STK11: variants seen among roughly 807,000 people sequenced by gnomAD.
The protein encoded by STK11 is serine/threonine-protein kinase STK11.
In STK11, 8 loss-of-function variants were observed where a neutral mutation model predicts 47.3. The observed-to-expected ratio is 0.17, with a 90% CI of 0.10 to 0.31. STK11 has a LOEUF of 0.31. Among genes scored for constraint, STK11 ranks in the 10% least tolerant of loss-of-function variants. The probability of loss-of-function intolerance (pLI) is 1.00; values close to 1 mark genes in which losing one functional copy is unlikely to be tolerated. For synonymous variants in STK11, 330 were observed against 255.8 expected, an observed-to-expected ratio of 1.29 and a Z score of -2.77; for missense variants, 475 against 605.0, an observed-to-expected ratio of 0.79 and a Z score of 2.25.
At chr19:1,215,335 G>A (rs1198902193) in intron 1 of STK11, among the ~76,000 whole-genome samples, 3 of 152,234 alleles carry the variant, frequency 2.0e-5, no homozygotes, top group Non-Finnish European at 2.9e-5. Flanking sequence ...GCTTCTCAGC[G>A]AGCAGACCAG....
intron 7 of STK11, 113 bp downstream of exon 7, chr19:1,222,119 G>T: frequency 1.5e-6 from 2 of 1,292,812 alleles, no homozygotes; most frequent in South Asian, 1.3e-5. Flanking sequence ...GCTGGGCTGG[G>T]GCCAGACCCC....
intron 1 of STK11, among the ~76,000 whole-genome samples, chr19:1,212,957 G>C (rs2080721322): frequency 6.6e-6 from 1 of 150,504 alleles, no homozygotes; most frequent in Admixed American, 6.6e-5. Flanking sequence ...TGGGATTACA[G>C]GTGTAAGCCA....
intron 1 of STK11, among the ~76,000 whole-genome samples, chr19:1,208,281 C>G (rs1352264631): frequency 6.6e-6 from 1 of 151,192 alleles, no homozygotes; most frequent in African/African-American, 2.4e-5. Context: ...CTCTCTCCTG[C>G]TCAGGGGCCC....
chr19:1,208,139 AGG>A (rs2080681441), intron 1 of STK11, among the ~76,000 whole-genome samples: 3 of 151,974 alleles, frequency 2.0e-5, no homozygotes, highest in African/African-American at 7.2e-5. Context: ...CTAGGCCTCG[AGG>A]GACTGGCAAG....
In STK11 at chr19:1,207,252, C is replaced by G. The variant is rs1460309034; in HGVS notation, c.290+49C>G. The G allele has an allele frequency of 1.9e-6, 3 of 1,544,990 alleles. No individual in the cohort carries two copies. The South Asian group carries it at 3.6e-5, about 19-fold the overall frequency. On this transcript the variant is annotated intron_variant, in intron 1 of 9. Coordinates refer to ENST00000326873, the MANE Select transcript of STK11 (RefSeq NM_000455.5). ...GGGCCGGGCCGGGCCAGTCACGGTG[C>G]TGATGGTTCTGTCTTCCTTCCTTCT...
intron 8 of STK11, chr19:1,223,763 G>A: frequency 9.6e-7 from 1 of 1,039,894 alleles, no homozygotes; most frequent in Non-Finnish European, 1.2e-6. Flanking sequence ...GAGGAGCTCA[G>A]GGCCTTAGCG....
chr19:1,222,830 A>C (rs1285009291), intron 7 of STK11, among the ~76,000 whole-genome samples, 155 bp from the exon 8 acceptor site: 2 of 152,172 alleles, frequency 1.3e-5, no homozygotes, highest in East Asian at 3.8e-4. Flanking sequence ...CCTAGAGGAC[A>C]TGGCTGAGCT....
chr19:1,223,629 C>T (rs1254616805), intron 8 of STK11: 1 of 1,070,166 alleles, frequency 9.3e-7, no homozygotes, highest in Admixed American at 4.8e-5. Flanking sequence ...GGCCGCCCTT[C>T]TTCCCTAGGT....
chr19:1,222,937 C>T lies in STK11; in HGVS notation c.921-48C>T, dbSNP rs368044605. ...GAGGAGCTGGGTCGGAAAACTGGACCGCCCTGGTGCCAGCCTGACAGGCGC... is the reference window on the plus strand; with the variant it reads ...GAGGAGCTGGGTCGGAAAACTGGACTGCCCTGGTGCCAGCCTGACAGGCGC... On this transcript the variant is annotated intron_variant, in intron 7 of 9. Transcript: ENST00000326873. The T allele has an allele frequency of 1.9e-4, 282 of 1,495,662 alleles. No homozygotes were observed. In the African/African-American group the frequency reaches 2.7e-3, roughly 14 times the overall value. 92.6% of individuals were successfully genotyped at this position (1,495,662 alleles called of 1,614,324 possible). A position where few individuals can be genotyped will look rare whatever the true frequency, so the allele number is the denominator to read the frequency against.
rs893684994 is a variant in STK11, at chr19:1,225,195, G to A, written c.1109-1259G>A. ...AGAGCTGGGGCACCTTGTCCACAGG[G>A]TCTGCCCCACCAGAGACGGGCTGGG... On this transcript the variant is annotated intron_variant, in intron 8 of 9. Coordinates refer to ENST00000326873, the MANE Select transcript of STK11 (RefSeq NM_000455.5). 6 of 985,358 alleles carry A rather than the reference G, an allele frequency of 6.1e-6. No individual in the cohort carries two copies. In the African/African-American group the frequency reaches 1.0e-4, roughly 17 times the overall value. 61.0% of individuals were successfully genotyped at this position (985,358 alleles called of 1,614,324 possible).
In STK11 at chr19:1,227,599, TCCAGGAGCCCCG is replaced by T. The variant is rs1064795093; in HGVS notation, c.*29_*40del. The T allele has an allele frequency of 1.8e-5, 19 of 1,064,502 alleles. No individual in the cohort carries two copies. The highest frequency in any genetic ancestry group is 2.0e-5 in the Non-Finnish European group (18 of 878,936). The allele number at this position is 1,064,502 out of a possible 1,614,324, so 65.9% of individuals were successfully genotyped here. A position where few individuals can be genotyped will look rare whatever the true frequency, so the allele number is the denominator to read the frequency against. On this transcript the variant is annotated 3_prime_UTR_variant, in exon 10 of 10. Coordinates refer to ENST00000326873, the MANE Select transcript of STK11 (RefSeq NM_000455.5). Reference sequence around the variant, plus strand: ...TCTTCCTTCCACCCTGCAGCCCGTGTCCAGGAGCCCCGCCAGGTGCCCGCGCCAGGCCCTCAG... The same window carrying T: ...TCTTCCTTCCACCCTGCAGCCCGTGTCCAGGTGCCCGCGCCAGGCCCTCAG...
chr19:1,225,671 G>A, intron 8 of STK11: 1 of 985,598 alleles, frequency 1.0e-6, no homozygotes, highest in Admixed American at 6.1e-5. Flanking sequence ...CTCGGAGCTG[G>A]GGCTCTGCAC....
intron 1 of STK11, among the ~76,000 whole-genome samples, chr19:1,217,644 C>A (rs997074809): frequency 6.6e-6 from 1 of 152,160 alleles, no homozygotes; most frequent in South Asian, 2.1e-4. Context: ...CTTTCTGTGG[C>A]GTCTCCTTCT....
At chr19:1,208,465 G>C (rs549000962) in intron 1 of STK11, among the ~76,000 whole-genome samples, 1 of 151,318 alleles carries the variant, frequency 6.6e-6, no homozygotes, top group South Asian at 2.1e-4. Flanking sequence ...CCGCCACCAC[G>C]CCCGGCCAAT....
chr19:1,219,346 G>C lies in STK11; in HGVS notation c.397G>C (p.Val133Leu), dbSNP rs567769257. ...CACGTATATGGTGATGGAGTACTGC[G>C]TGTGTGGCATGCAGGAAATGCTGGA... ...QKMYMVMEYC[V>L]CGMQEMLDSV... The change falls in exon 3 of 10, where the codon GTG becomes CTG. Residue 133 changes from valine (V) to leucine (L), a missense_variant. Physicochemically the swap from Val to Leu is conservative, Grantham distance 32. Around this residue, in one of 5 missense-constraint regions of STK11, gnomAD observed 46 missense variants for 45.5 expected, o/e 1.01. Coordinates refer to ENST00000326873, the MANE Select transcript of STK11 (RefSeq NM_000455.5). 6.3e-7 allele frequency: 1 copy of C among 1,594,624 alleles called. No individual in the cohort carries two copies. Among genetic ancestry groups the C allele is most frequent in the Non-Finnish European group, 8.5e-7 (1 of 1,171,310 alleles).
chr19:1,208,765 C>T (rs2080688188), intron 1 of STK11, among the ~76,000 whole-genome samples: 1 of 146,500 alleles, frequency 6.8e-6, no homozygotes, highest in Non-Finnish European at 1.5e-5. Context: ...TTACAGGTGC[C>T]TGCCACAGTG....
intron 8 of STK11, chr19:1,224,902 G>A (rs2080810119): frequency 1.0e-6 from 1 of 985,740 alleles, no homozygotes. Flanking sequence ...GCTTCAGCGT[G>A]AGCCCCGTCC....
chr19:1,218,208 G>A (rs1178106009), intron 1 of STK11, among the ~76,000 whole-genome samples: 1 of 152,162 alleles, frequency 6.6e-6, no homozygotes, highest in African/African-American at 2.4e-5. Flanking sequence ...CAGACTAGAG[G>A]GCGCTGTGCT....
intron 8 of STK11, chr19:1,223,566 C>T: frequency 9.3e-7 from 1 of 1,079,556 alleles, no homozygotes; most frequent in Non-Finnish European, 1.1e-6. Flanking sequence ...GAGAGAGGGT[C>T]CAGTGGCCCT....
Sources: gnomAD v4.1 joint callset for allele counts (sites outside exome capture counted in the v4.1 genomes callset) on GRCh38, gnomAD v4.1.1 for gene constraint, gnomAD v4.1.1 regional missense constraint, MANE v1.5 for transcripts, NCBI Gene and HGNC (gene_info 2026-07-23, HGNC 2026-07-21) for gene names.